Variants in ARHGEF12 observed in about 807,000 individuals in gnomAD.
The protein encoded by ARHGEF12 is Rho guanine nucleotide exchange factor 12, also known as KMT2A/ARHGEF12 fusion protein.
In ARHGEF12, 66 loss-of-function variants were observed where a neutral mutation model predicts 211.2. The ratio of observed to expected loss-of-function variants is 0.31; its 90% CI spans 0.26 to 0.38. The LOEUF is 0.38. Ranked by LOEUF, ARHGEF12 falls within the 10% of genes least tolerant of loss-of-function variation. The pLI, the probability that ARHGEF12 is intolerant of heterozygous loss-of-function variation, is 1.00. For synonymous variants in ARHGEF12, 592 were observed against 638.4 expected (o/e 0.93, Z 1.09); for missense variants, 1,429 against 1,869.5 (o/e 0.76, Z 4.34).
intron 11 of ARHGEF12, among the ~76,000 whole-genome samples, chr11:120,436,953 A>T (rs978491388): frequency 4.0e-5 from 6 of 151,504 alleles, no homozygotes. Flanking sequence ...GATAGAAAGG[A>T]TAGTTTGAGA....
At chr11:120,386,940 A>G (rs1944049745) in intron 1 of ARHGEF12, among the ~76,000 whole-genome samples, 1 of 152,132 alleles carries the variant, frequency 6.6e-6, no homozygotes, top group Non-Finnish European at 1.5e-5. Flanking sequence ...CTGTTTGTAT[A>G]TGAGTAGATT....
Position 120,347,141 on chromosome 11 carries a change from TTCCTTCC to T in ARHGEF12, c.32+9868_32+9874del, listed in dbSNP as rs1323122328. 2.1e-4 allele frequency among the ~76,000 whole-genome samples: 10 copies of T among 47,936 alleles called. 1 individual carries two copies. The highest frequency in any genetic ancestry group is 1.1e-3 in the African/African-American group (10 of 9,142). 31.4% of individuals were successfully genotyped at this position (47,936 alleles called of 152,430 possible). Reference sequence around the variant, plus strand: ...TCCCTTTCTTTCTTTCTTTCCTTCCTTCCTTCCTTCCTTCCTTCCTTCCTTCCTTCCT... The same window carrying T: ...TCCCTTTCTTTCTTTCTTTCCTTCCTTTCCTTCCTTCCTTCCTTCCTTCCT... On this transcript the variant is annotated intron_variant, in intron 1 of 40. Coordinates refer to ENST00000397843, the MANE Select transcript of ARHGEF12 (RefSeq NM_015313.3).
chr11:120,448,979 A>C (rs1188540180), intron 20 of ARHGEF12, 130 bp from the exon 21 acceptor site: 1 of 706,560 alleles, frequency 1.4e-6, no homozygotes, highest in Non-Finnish European at 2.4e-6. Context: ...CTCTGTGTGC[A>C]TACACACGTG....
intron 30 of ARHGEF12, among the ~76,000 whole-genome samples, chr11:120,470,914 GGA>G (rs1004695620): frequency 6.6e-5 from 10 of 152,246 alleles, no homozygotes; most frequent in Admixed American, 3.3e-4. Context: ...TGAACAACTG[GGA>G]GAGAGATTAT....
chr11:120,411,581 CTTTTTTTTTTTTTTTT>C (rs56970429), intron 4 of ARHGEF12: 2 of 40,678 alleles, frequency 4.9e-5, no homozygotes, highest in African/African-American at 1.9e-4. Flanking sequence ...ACTTTCTTGG[CTTTTTTTTTTTTTTTT>C]TTTTTTTTTT....
intron 11 of ARHGEF12, 149 bp from the exon 12 acceptor site, chr11:120,437,159 A>T: frequency 1.9e-6 from 1 of 525,476 alleles, no homozygotes; most frequent in South Asian, 3.2e-5. Context: ...GTAAGGAAAA[A>T]GTAGCAGAAC....
At chr11:120,396,954 A>AGT (rs1944409249) in intron 1 of ARHGEF12, among the ~76,000 whole-genome samples, 1 of 152,228 alleles carries the variant, frequency 6.6e-6, no homozygotes, top group South Asian at 2.1e-4. Context: ...ATATGAGTTT[A>AGT]GTGCTTTTCA....
chr11:120,419,927 G>A (rs965110706), intron 4 of ARHGEF12, among the ~76,000 whole-genome samples: 2 of 152,134 alleles, frequency 1.3e-5, no homozygotes, highest in Non-Finnish European at 2.9e-5. Context: ...TTCAGATCTG[G>A]TCTATGATAA....
chr11:120,359,343 C>G (rs1943216516), intron 1 of ARHGEF12, among the ~76,000 whole-genome samples: 1 of 152,140 alleles, frequency 6.6e-6, no homozygotes, highest in Non-Finnish European at 1.5e-5. Context: ...CTCATCTCAG[C>G]CTCCCAAGTA....
intron 1 of ARHGEF12, among the ~76,000 whole-genome samples, chr11:120,383,228 G>A (rs1284746055): frequency 6.6e-6 from 1 of 152,058 alleles, no homozygotes; most frequent in Non-Finnish European, 1.5e-5. Flanking sequence ...AGTTAAGAGT[G>A]TAGTGGTGTT....
intron 1 of ARHGEF12, among the ~76,000 whole-genome samples, chr11:120,338,318 C>A (rs1942420015): frequency 6.6e-6 from 1 of 152,148 alleles, no homozygotes; most frequent in South Asian, 2.1e-4. Flanking sequence ...ACAAAGTAGT[C>A]TTAATTTCCT....
intron 37 of ARHGEF12, among the ~76,000 whole-genome samples, chr11:120,479,179 A>G (rs935961822): frequency 6.6e-5 from 10 of 152,196 alleles, no homozygotes; most frequent in Admixed American, 6.5e-4. Context: ...TAGAGATGTG[A>G]GCATCAGAGC....
intron 16 of ARHGEF12, among the ~76,000 whole-genome samples, chr11:120,446,198 A>AAATAATAATAATAATAAT (rs59459827): frequency 6.4e-5 from 9 of 140,366 alleles, no homozygotes; most frequent in East Asian, 2.1e-4. Context: ...ACTCCATCTC[A>AAATAATAATAATAATAAT]AATAATAATA....
intron 1 of ARHGEF12, among the ~76,000 whole-genome samples, chr11:120,386,871 A>G (rs1269350501): frequency 6.6e-6 from 1 of 152,132 alleles, no homozygotes; most frequent in African/African-American, 2.4e-5. Flanking sequence ...GATTTACCAT[A>G]AGTAACAAAG....
chr11:120,353,559 C>T (rs929052255), intron 1 of ARHGEF12, among the ~76,000 whole-genome samples: 3 of 152,202 alleles, frequency 2.0e-5, no homozygotes, highest in African/African-American at 2.4e-5. Context: ...TCCCTGATCT[C>T]GCTGTCTAGT....
chr11:120,454,115 C>T (rs964164744), intron 22 of ARHGEF12, among the ~76,000 whole-genome samples: 10 of 152,122 alleles, frequency 6.6e-5, no homozygotes, highest in Non-Finnish European at 1.5e-4. Flanking sequence ...CTAGGCATGC[C>T]GGCAACCCAC....
intron 3 of ARHGEF12, 164 bp from the exon 4 acceptor site, chr11:120,409,230 G>T: frequency 1.7e-6 from 1 of 584,380 alleles, no homozygotes. Flanking sequence ...GTCATTACCT[G>T]TGCTGTTTGT....
chr11:120,424,299 A>C, intron 6 of ARHGEF12, 59 bp from the exon 7 acceptor site: 1 of 1,220,618 alleles, frequency 8.2e-7, no homozygotes, highest in Non-Finnish European at 1.2e-6. Flanking sequence ...TCTTGAAGTC[A>C]TTTTATCCAT....
chr11:120,398,207 A>G (rs1243255590), intron 1 of ARHGEF12, among the ~76,000 whole-genome samples: 1 of 152,216 alleles, frequency 6.6e-6, no homozygotes, highest in African/African-American at 2.4e-5. Context: ...TGTGTTAAGT[A>G]TATTAGGATA....
Sources: gnomAD v4.1 joint callset for allele counts (sites outside exome capture counted in the v4.1 genomes callset) on GRCh38, gnomAD v4.1.1 for gene constraint, MANE v1.5 for transcripts, NCBI Gene and HGNC (gene_info 2026-07-23, HGNC 2026-07-21) for gene names.